CSMD1: variants seen among roughly 807,000 people sequenced by gnomAD.
CSMD1 encodes the protein CUB and sushi domain-containing protein 1.
CSMD1 carries 213 observed loss-of-function variants against 417.5 expected under a neutral mutation model. The ratio of observed to expected loss-of-function variants is 0.51; its 90% CI spans 0.46 to 0.57. The LOEUF (loss-of-function observed/expected upper bound fraction) is 0.57. Among genes scored for constraint, CSMD1 ranks in the 20% least tolerant of loss-of-function variants. CSMD1 has a pLI of 0.00. For missense variants in CSMD1, 6,923 were observed against 4,529.7 expected, an observed-to-expected ratio of 1.53 and a Z score of -15.17; for synonymous variants, 2,862 against 1,736.8, an observed-to-expected ratio of 1.65 and a Z score of -16.11.
intron 3 of CSMD1, among the ~76,000 whole-genome samples, chr8:4,042,852 G>A (rs1412190895): frequency 1.2e-5 from 1 of 80,068 alleles, no homozygotes; most frequent in African/African-American, 4.8e-5. Context: ...AGCAGGCTGG[G>A]CACGGTGGCT....
At chr8:4,777,872 C>A (rs1337288698) in intron 1 of CSMD1, among the ~76,000 whole-genome samples, 1 of 152,226 alleles carries the variant, frequency 6.6e-6, no homozygotes, top group African/African-American at 2.4e-5. Flanking sequence ...ACTTCTGACA[C>A]ACTGAAATAA....
rs75561461 is a variant in CSMD1, at chr8:4,082,726, T to C, written c.416-50627A>G. ...TGTGCTGCACCCATTAACTCGTCAT[T>C]TAGCATTAGGTATATCTCCTGATGC... On this transcript the variant is annotated intron_variant, in intron 3 of 69. Coordinates refer to ENST00000635120, the MANE Select transcript of CSMD1 (RefSeq NM_033225.6). Among the ~76,000 whole-genome samples, 41 of 151,004 alleles carry C rather than the reference T, an allele frequency of 2.7e-4. No homozygotes were observed. In the East Asian group the frequency reaches 8.1e-3, roughly 30 times the overall value.
intron 7 of CSMD1, among the ~76,000 whole-genome samples, chr8:3,695,684 G>A (rs1024992583): frequency 6.6e-6 from 1 of 152,124 alleles, no homozygotes; most frequent in African/African-American, 2.4e-5. Flanking sequence ...AAAGATTCTA[G>A]CAAATTGTAT....
chr8:3,134,543 G>A (rs1458927101), intron 41 of CSMD1, among the ~76,000 whole-genome samples: 1 of 152,230 alleles, frequency 6.6e-6, no homozygotes, highest in Non-Finnish European at 1.5e-5. Flanking sequence ...TCCCACAGTG[G>A]CCGTTCTGCA....
chr8:3,826,690 G>A (rs114332086), intron 5 of CSMD1, among the ~76,000 whole-genome samples: 1 of 152,160 alleles, frequency 6.6e-6, no homozygotes, highest in South Asian at 2.1e-4. Flanking sequence ...ACTCTGACTT[G>A]GTCCTTGATA....
intron 1 of CSMD1, among the ~76,000 whole-genome samples, chr8:4,756,372 A>T (rs1274341583): frequency 6.6e-6 from 1 of 152,212 alleles, no homozygotes; most frequent in Non-Finnish European, 1.5e-5. Flanking sequence ...TTTAAAAGTA[A>T]CACTTGGTTT....
chr8:3,409,304 AC>A, intron 13 of CSMD1, 118 bp downstream of exon 13: 1 of 871,910 alleles, frequency 1.1e-6, no homozygotes, highest in Non-Finnish European at 1.6e-6. Context: ...TAAATGTGGC[AC>A]CCCGAGCCAT....
chr8:4,552,225 G>A lies in CSMD1; in HGVS notation c.302+85117C>T, dbSNP rs117682395. On this transcript the variant is annotated intron_variant, in intron 2 of 69. Transcript: ENST00000635120. ...TCTATGTAGCTTGGTCTCAATGTGA[G>A]CCTCCCTTTCAAGGTTAGTAACTCA... 9.2e-5 allele frequency among the ~76,000 whole-genome samples: 14 copies of A among 152,242 alleles called. No homozygotes were observed. In the East Asian group the frequency reaches 2.5e-3, roughly 27 times the overall value.
At chr8:4,815,404 T>G (rs1209534655) in intron 1 of CSMD1, among the ~76,000 whole-genome samples, 3 of 151,986 alleles carry the variant, frequency 2.0e-5, no homozygotes, top group Non-Finnish European at 4.4e-5. Flanking sequence ...CTGCAATATA[T>G]TAAGAAAGGA....
At chr8:4,308,150 G>C (rs918651075) in intron 3 of CSMD1, among the ~76,000 whole-genome samples, 1 of 152,190 alleles carries the variant, frequency 6.6e-6, no homozygotes, top group African/African-American at 2.4e-5. Flanking sequence ...AGAAACAAGA[G>C]CGTTTCTTCG....
At chr8:4,891,887 T>G (rs1274541507) in intron 1 of CSMD1, among the ~76,000 whole-genome samples, 2 of 152,098 alleles carry the variant, frequency 1.3e-5, no homozygotes, top group Non-Finnish European at 2.9e-5. Flanking sequence ...ATTCACTGTA[T>G]TAGATTCTAT....
intron 1 of CSMD1, among the ~76,000 whole-genome samples, chr8:4,953,148 C>A (rs9657372): frequency 0.013 from 1,931 of 152,244 alleles, 33 homozygotes; most frequent in African/African-American, 0.042. Context: ...GAATTTAATT[C>A]TCAAGGTAGA....
At chr8:4,049,056 C>G (rs1015910335) in intron 3 of CSMD1, among the ~76,000 whole-genome samples, 1 of 152,164 alleles carries the variant, frequency 6.6e-6, no homozygotes, top group Non-Finnish European at 1.5e-5. Flanking sequence ...ACTCTCAAAA[C>G]AGTCCTTTCA....
chr8:4,411,953 G>A (rs768399569), intron 3 of CSMD1, among the ~76,000 whole-genome samples: 6 of 151,432 alleles, frequency 4.0e-5, no homozygotes, highest in Non-Finnish European at 5.9e-5. Flanking sequence ...TAGAACTTAC[G>A]ATTTTTGATG....
At chr8:4,601,292 G>A (rs547028106) in intron 2 of CSMD1, among the ~76,000 whole-genome samples, 9 of 152,292 alleles carry the variant, frequency 5.9e-5, no homozygotes, top group African/African-American at 1.4e-4. Flanking sequence ...AAGACAGGGA[G>A]TAGAGTGACA....
chr8:3,149,513 C>G (rs1819061432), intron 40 of CSMD1, among the ~76,000 whole-genome samples: 1 of 152,098 alleles, frequency 6.6e-6, no homozygotes, highest in Non-Finnish European at 1.5e-5. Context: ...GAGTCTCGCT[C>G]TGTCACCAAG....
At chr8:3,663,885 A>G (rs919678558) in intron 7 of CSMD1, among the ~76,000 whole-genome samples, 11 of 152,198 alleles carry the variant, frequency 7.2e-5, no homozygotes, top group African/African-American at 2.7e-4. Flanking sequence ...CGCAACCTCA[A>G]CCTTGGATAA....
At chr8:4,854,520 G>A (rs1403893176) in intron 1 of CSMD1, among the ~76,000 whole-genome samples, 2 of 152,156 alleles carry the variant, frequency 1.3e-5, no homozygotes, top group Non-Finnish European at 2.9e-5. Context: ...TCTCACTAGG[G>A]AGTGCCAGAC....
intron 5 of CSMD1, among the ~76,000 whole-genome samples, chr8:3,979,582 T>A (rs1813699336): frequency 6.6e-6 from 1 of 152,122 alleles, no homozygotes; most frequent in Non-Finnish European, 1.5e-5. Flanking sequence ...GAAGATGGGA[T>A]CATGAGGATG....
Sources: allele counts gnomAD v4.1 joint callset (sites outside exome capture counted in the v4.1 genomes callset), GRCh38; gene constraint gnomAD v4.1.1; transcripts MANE v1.5; gene names NCBI Gene and HGNC (gene_info 2026-07-23, HGNC 2026-07-21).